TMEM63C: variants seen among roughly 807,000 people sequenced by gnomAD.
TMEM63C encodes transmembrane protein 63C.
In TMEM63C, 32 loss-of-function variants were observed where a neutral mutation model predicts 99.2. The observed-to-expected ratio is 0.32, with a 90% CI of 0.24 to 0.43. The LOEUF is 0.43. Ranked by LOEUF, TMEM63C falls within the 20% of genes least tolerant of loss-of-function variation. The pLI, the probability that TMEM63C is intolerant of heterozygous loss-of-function variation, is 1.00. For missense variants in TMEM63C, 826 were observed against 1,053.0 expected (o/e 0.78, Z 2.98); for synonymous variants, 376 against 397.9 (o/e 0.94, Z 0.66).
At chr14:77,207,496 G>C (rs1888421796) in intron 1 of TMEM63C, among the ~76,000 whole-genome samples, 1 of 152,200 alleles carries the variant, frequency 6.6e-6, no homozygotes, top group African/African-American at 2.4e-5. Context: ...TCCTGGAATT[G>C]GGCAAAGCTG....
chr14:77,228,870 A>T (rs2140116749), intron 6 of TMEM63C, among the ~76,000 whole-genome samples: 1 of 152,210 alleles, frequency 6.6e-6, no homozygotes, highest in East Asian at 1.9e-4. Context: ...ACTGGATGCT[A>T]GTTTTGCATA....
intron 1 of TMEM63C, among the ~76,000 whole-genome samples, chr14:77,204,258 A>T (rs1216904175): frequency 2.6e-5 from 4 of 151,978 alleles, no homozygotes; most frequent in Admixed American, 2.6e-4. Context: ...TTTTTTTTTT[A>T]AATCAAAACA....
chr14:77,245,952 T>C lies in TMEM63C; in HGVS notation c.1461T>C (p.Asn487=), dbSNP rs778993994. 2 of 1,613,948 alleles carry C rather than the reference T, an allele frequency of 1.2e-6. No individual in the cohort carries two copies. The highest frequency in any genetic ancestry group is 3.3e-5 in the Admixed American group (2 of 60,032). Residue 487 remains asparagine, a synonymous_variant, in exon 17 of 24, where the codon AAT becomes AAC. Transcript: ENST00000298351. ...TGTTTCCTTCTAGATCAAGTCAGAA[T>C]CTGGTCATGGTGCACAAGTGCTACA... is the stretch of plus-strand genomic sequence containing the variant. ...LEAHWTRSSQ[N]LVMVHKCYIF...
At chr14:77,246,790 G>A (rs1004228750) in intron 18 of TMEM63C, 116 bp downstream of exon 18, 2 of 812,990 alleles carry the variant, frequency 2.5e-6, no homozygotes, top group African/African-American at 3.4e-5. Flanking sequence ...ACAAATGCTT[G>A]TGAACACCCT....
intron 1 of TMEM63C, among the ~76,000 whole-genome samples, chr14:77,203,812 G>A (rs1008386209): frequency 3.9e-5 from 6 of 152,268 alleles, no homozygotes; most frequent in Non-Finnish European, 8.8e-5. Flanking sequence ...GCCCACCCTG[G>A]CAGCAGCAGG....
chr14:77,204,264 A>G (rs1888358439), intron 1 of TMEM63C, among the ~76,000 whole-genome samples: 1 of 152,186 alleles, frequency 6.6e-6, no homozygotes, highest in Admixed American at 6.5e-5. Flanking sequence ...TTTTAAATCA[A>G]AACAGAAACA....
At position 77,227,870 on chromosome 14, in the gene TMEM63C, G is replaced by A. The variant is rs137895681; in HGVS notation, c.350+2409G>A. Among the ~76,000 whole-genome samples the A allele has an allele frequency of 1.5e-3, 234 of 152,302 alleles. No individual in the cohort carries two copies. In the Middle Eastern group the frequency reaches 0.017, roughly 11 times the overall value. On this transcript the variant is annotated intron_variant, in intron 6 of 23. Transcript: ENST00000298351. The stretch of plus-strand genomic sequence containing the variant: ...AGGAAGGTCACCTTTTTCCAGAGGT[G>A]CATGGAAGGAGGGAAGTGAAGCTAC...
At chr14:77,228,955 A>T (rs1046082215) in intron 6 of TMEM63C, among the ~76,000 whole-genome samples, 3 of 152,232 alleles carry the variant, frequency 2.0e-5, no homozygotes, top group Admixed American at 2.0e-4. Flanking sequence ...GGAGGCCTGC[A>T]TGGTGCTGAG....
intron 21 of TMEM63C, among the ~76,000 whole-genome samples, chr14:77,251,269 A>C (rs551519368): frequency 6.6e-6 from 1 of 152,246 alleles, no homozygotes; most frequent in Non-Finnish European, 1.5e-5. Flanking sequence ...TTGGCTGTAA[A>C]GCATAATTTA....
intron 6 of TMEM63C, among the ~76,000 whole-genome samples, chr14:77,226,297 A>G (rs1888823785): frequency 6.6e-6 from 1 of 151,982 alleles, no homozygotes; most frequent in South Asian, 2.1e-4. Context: ...GGGACCCAGC[A>G]TCTGGGAAAG....
At chr14:77,216,008 A>G (rs1233880836) in intron 2 of TMEM63C, among the ~76,000 whole-genome samples, 1 of 152,108 alleles carries the variant, frequency 6.6e-6, no homozygotes, top group Non-Finnish European at 1.5e-5. Flanking sequence ...GGCTTAAACC[A>G]TGGCTAATTT....
At chr14:77,210,031 A>G (rs1888468551) in intron 1 of TMEM63C, among the ~76,000 whole-genome samples, 1 of 152,162 alleles carries the variant, frequency 6.6e-6, no homozygotes, top group Admixed American at 6.5e-5. Flanking sequence ...TTTAAGAGGC[A>G]CTGAGGTATC....
At chr14:77,241,202 C>T (rs991018986) in intron 13 of TMEM63C, among the ~76,000 whole-genome samples, 6 of 152,150 alleles carry the variant, frequency 3.9e-5, no homozygotes, top group Non-Finnish European at 7.4e-5. Flanking sequence ...CTGCCCACCT[C>T]AGTCTCCCAA....
At position 77,186,813 on chromosome 14, in the gene TMEM63C, GTGTGTGTC is replaced by G. The variant is rs1170427490; in HGVS notation, c.-77+4927_-77+4934del. On this transcript the variant is annotated intron_variant, in intron 1 of 23. Coordinates refer to ENST00000298351, the MANE Select transcript of TMEM63C (RefSeq NM_020431.4). ...TGTGTGTGTGTGTCTGTGTGTGTGT[GTGTGTGTC>G]TGTGTGTGTCTGTGTGGTGTGGGCA... 1.3e-4 allele frequency among the ~76,000 whole-genome samples: 12 copies of G among 90,278 alleles called. No individual in the cohort carries two copies. The East Asian group carries it at 2.3e-3, about 18-fold the overall frequency. 59.2% of individuals were successfully genotyped at this position (90,278 alleles called of 152,430 possible).
chr14:77,238,724 C>T lies in TMEM63C; in HGVS notation c.682C>T (p.Pro228Ser). Reference protein sequence around the residue: ...VTRTLMITYVPKDIEDPELII... With the variant: ...VTRTLMITYVSKDIEDPELII... ...AAGGACACTAATGATCACCTATGTG[C>T]CCAAGGACATTGAAGACCCAGAACT... The change falls in exon 10 of 24, where the codon CCC (proline) becomes TCC (serine). Residue 228 changes from proline to serine, a missense_variant. Pro to Ser is a moderately conservative substitution (Grantham distance 74). Transcript: ENST00000298351. The T allele has an allele frequency of 1.2e-6, 2 of 1,613,910 alleles. No homozygotes were observed. The highest frequency in any genetic ancestry group is 1.7e-6 in the Non-Finnish European group (2 of 1,179,790).
At chr14:77,244,729 T>G (rs1029259623) in intron 16 of TMEM63C, among the ~76,000 whole-genome samples, 2 of 152,174 alleles carry the variant, frequency 1.3e-5, no homozygotes, top group African/African-American at 4.8e-5. Flanking sequence ...AGCTTCTCCC[T>G]CAGCCCCCAG....
At chr14:77,224,716 A>AT (rs1888786781) in intron 5 of TMEM63C, among the ~76,000 whole-genome samples, 1 of 151,970 alleles carries the variant, frequency 6.6e-6, no homozygotes, top group South Asian at 2.1e-4. Flanking sequence ...CCCTCAGCAC[A>AT]TGGCATCAAA....
chr14:77,231,868 C>T (rs403602), intron 7 of TMEM63C, 138 bp downstream of exon 7: 75,044 of 1,020,766 alleles, frequency 0.074, 3,092 homozygotes, highest in Admixed American at 0.097. Context: ...TGAACTTGAA[C>T]AAACCATGCT....
chr14:77,225,576 C>A (rs1043715739), intron 6 of TMEM63C, 115 bp downstream of exon 6: 1 of 1,038,996 alleles, frequency 9.6e-7, no homozygotes, highest in Non-Finnish European at 1.4e-6. Context: ...AGCTCCGTAT[C>A]CTCCCCGCCA....
Sources: gnomAD v4.1 joint callset for allele counts (sites outside exome capture counted in the v4.1 genomes callset) on GRCh38, gnomAD v4.1.1 for gene constraint, MANE v1.5 for transcripts, NCBI Gene and HGNC (gene_info 2026-07-23, HGNC 2026-07-21) for gene names.